ZFHX3: variants seen among roughly 807,000 people sequenced by gnomAD.
The protein encoded by ZFHX3 is zinc finger homeobox 3.
In ZFHX3, 42 loss-of-function variants were observed where a neutral mutation model predicts 279.1. The ratio of observed to expected loss-of-function variants is 0.15; its 90% CI spans 0.12 to 0.19. ZFHX3 has a LOEUF of 0.19. Ranked by LOEUF, ZFHX3 falls within the 10% of genes least tolerant of loss-of-function variation. The pLI, the probability that ZFHX3 is intolerant of heterozygous loss-of-function variation, is 1.00. For missense variants in ZFHX3, 4,981 were observed against 4,754.0 expected (o/e 1.05, Z -1.40); for synonymous variants, 2,293 against 1,957.8 (o/e 1.17, Z -4.52).
At chr16:72,856,747 C>T (rs546837007) in intron 4 of ZFHX3, among the ~76,000 whole-genome samples, 124 of 152,314 alleles carry the variant, frequency 8.1e-4, no homozygotes, top group African/African-American at 2.9e-3. Flanking sequence ...TCCCTATACA[C>T]ATCAGCTTTG....
At chr16:73,105,738 G>C (rs1324063003) in intron 7 of ZFHX3, among the ~76,000 whole-genome samples, 3 of 152,164 alleles carry the variant, frequency 2.0e-5, no homozygotes, top group Non-Finnish European at 1.5e-5. Context: ...GTGTGAGAGA[G>C]TGAGCCTCTG....
At chr16:72,888,105 G>C (rs1010573004) in intron 4 of ZFHX3, among the ~76,000 whole-genome samples, 3 of 152,160 alleles carry the variant, frequency 2.0e-5, no homozygotes, top group African/African-American at 7.2e-5. Flanking sequence ...AGTAACAAAA[G>C]AAATATCTGA....
chr16:72,797,292 A>T lies in ZFHX3; in HGVS notation c.5390T>A (p.Leu1797His), dbSNP rs2035941988. Residue 1797 changes from leucine (L) to histidine (H), a missense_variant, in exon 9 of 10, where the codon CTC becomes CAC. Around this residue, in one of 7 missense-constraint regions of ZFHX3, gnomAD observed 1,751 missense variants for 1,770.0 expected, o/e 0.99. Coordinates refer to ENST00000268489, the MANE Select transcript of ZFHX3 (RefSeq NM_006885.4). ...LLQLQQQQHL[L>H]FPFYIPSAEF... ...AGCACTGGGGATGTAGAAAGGGAAG[A>T]GGAGGTGCTGCTGCTGCTGTAGTTG... 1.2e-6 allele frequency: 2 copies of T among 1,608,676 alleles called. No homozygotes were observed. The highest frequency in any genetic ancestry group is 1.3e-5 in the African/African-American group (1 of 74,720).
chr16:73,402,869 TG>T (rs901814159), intron 3 of ZFHX3, among the ~76,000 whole-genome samples: 2 of 151,118 alleles, frequency 1.3e-5, no homozygotes, highest in African/African-American at 4.9e-5. Context: ...GGGGAGGGCT[TG>T]GGGGTGGCTG....
intron 3 of ZFHX3, among the ~76,000 whole-genome samples, chr16:73,427,384 C>A (rs1045774677): frequency 2.0e-5 from 3 of 152,168 alleles, no homozygotes; most frequent in African/African-American, 7.2e-5. Context: ...CTATCACTGC[C>A]TCTGGCTTTT....
intron 4 of ZFHX3, among the ~76,000 whole-genome samples, chr16:73,306,565 C>T (rs1311275928): frequency 6.6e-6 from 1 of 152,194 alleles, no homozygotes; most frequent in Non-Finnish European, 1.5e-5. Context: ...TCAAATGATC[C>T]ACCTGCCTTG....
At chr16:73,715,225 G>C (rs113139423) in intron 1 of ZFHX3, among the ~76,000 whole-genome samples, 3,503 of 152,152 alleles carry the variant, frequency 0.023, 45 homozygotes, top group East Asian at 0.034. Flanking sequence ...TGAGACCTAG[G>C]TTTCTTAGAG....
chr16:73,590,281 A>G (rs1034565221), intron 2 of ZFHX3, among the ~76,000 whole-genome samples: 3 of 152,248 alleles, frequency 2.0e-5, no homozygotes, highest in Non-Finnish European at 4.4e-5. Flanking sequence ...AGCAAGTCTA[A>G]CATCCAGATT....
At chr16:73,212,291 A>G (rs1174775102) in intron 5 of ZFHX3, among the ~76,000 whole-genome samples, 1 of 152,198 alleles carries the variant, frequency 6.6e-6, no homozygotes, top group Non-Finnish European at 1.5e-5. Context: ...AATAAAAAAG[A>G]GATTAAAAAC....
chr16:73,184,286 A>C (rs1967865295), intron 5 of ZFHX3, among the ~76,000 whole-genome samples: 1 of 152,220 alleles, frequency 6.6e-6, no homozygotes, highest in Non-Finnish European at 1.5e-5. Context: ...AGAGTGATCA[A>C]GAGACAGCAA....
intron 2 of ZFHX3, among the ~76,000 whole-genome samples, chr16:73,546,163 T>C (rs534340085): frequency 1.3e-5 from 2 of 152,344 alleles, no homozygotes; most frequent in East Asian, 1.9e-4. Flanking sequence ...GATATTAACA[T>C]AGTTGCTATT....
intron 2 of ZFHX3, among the ~76,000 whole-genome samples, chr16:73,537,751 T>C (rs994963312): frequency 6.6e-6 from 1 of 152,190 alleles, no homozygotes; most frequent in African/African-American, 2.4e-5. Flanking sequence ...AGGAGTCCCA[T>C]GAAAAGATGC....
intron 7 of ZFHX3, 68 bp downstream of exon 7, chr16:72,811,509 T>C (rs563887565): frequency 7.4e-5 from 104 of 1,404,526 alleles, no homozygotes; most frequent in Non-Finnish European, 9.2e-5. Flanking sequence ...TACAGTATCT[T>C]GCCCATGTTA....
chr16:72,894,463 A>G (rs760386663), intron 3 of ZFHX3, among the ~76,000 whole-genome samples: 1 of 152,062 alleles, frequency 6.6e-6, no homozygotes, highest in Non-Finnish European at 1.5e-5. Flanking sequence ...CTTCCTCCCA[A>G]GTGGCACTGG....
In ZFHX3 at chr16:72,798,620, C is replaced by T. The variant is rs1419485515; in HGVS notation, c.4062G>A (p.Val1354=). The T allele has an allele frequency of 1.9e-6, 3 of 1,613,942 alleles. No homozygotes were observed. The highest frequency in any genetic ancestry group is 2.7e-5 in the African/African-American group (2 of 74,866). Residue 1354 remains valine, a synonymous_variant, in exon 9 of 10, where the codon GTG becomes GTA. Coordinates refer to ENST00000268489, the MANE Select transcript of ZFHX3 (RefSeq NM_006885.4). The part of the protein sequence containing the change: ...LKPSPADPGS[V]REDSGFICWK... ...AGCAGATGAAGCCTGAGTCTTCTCTCACAGAGCCTGGGTCAGCAGGGGATG... is the reference window on the plus strand; with the variant it reads ...AGCAGATGAAGCCTGAGTCTTCTCTTACAGAGCCTGGGTCAGCAGGGGATG...
At chr16:72,847,312 G>A (rs888764181) in intron 4 of ZFHX3, among the ~76,000 whole-genome samples, 3 of 152,134 alleles carry the variant, frequency 2.0e-5, no homozygotes, top group Admixed American at 6.5e-5. Flanking sequence ...TACCTAAGAC[G>A]TGTCTCCCCC....
chr16:73,449,315 C>G (rs1263802737), intron 3 of ZFHX3, among the ~76,000 whole-genome samples: 2 of 152,118 alleles, frequency 1.3e-5, no homozygotes, highest in African/African-American at 2.4e-5. Context: ...AATAGACATT[C>G]TTAGGCATGC....
intron 3 of ZFHX3, among the ~76,000 whole-genome samples, chr16:73,332,619 G>T (rs994549084): frequency 1.3e-5 from 2 of 152,194 alleles, no homozygotes; most frequent in Non-Finnish European, 2.9e-5. Flanking sequence ...TCCTTTGCTG[G>T]CATGTAAGAA....
intron 7 of ZFHX3, among the ~76,000 whole-genome samples, chr16:73,125,635 C>T (rs1436142998): frequency 6.6e-6 from 1 of 152,080 alleles, no homozygotes; most frequent in East Asian, 1.9e-4. Flanking sequence ...ACATCTTTCT[C>T]CTGTACTGGA....
Sources: gnomAD v4.1 joint callset for allele counts (sites outside exome capture counted in the v4.1 genomes callset) on GRCh38, gnomAD v4.1.1 for gene constraint, gnomAD v4.1.1 regional missense constraint, MANE v1.5 for transcripts, NCBI Gene and HGNC (gene_info 2026-07-23, HGNC 2026-07-21) for gene names.